Variants in AKR1C8 observed in about 807,000 individuals in gnomAD.
AKR1C8 encodes aldo-keto reductase family 1 member C-like protein 1.
the AKR1C8 span, among the ~76,000 whole-genome samples, chr10:5,170,763 C>T: frequency 6.6e-6 from 1 of 152,116 alleles, no homozygotes; most frequent in Non-Finnish European, 1.5e-5. Flanking sequence ...CCATTCCAGT[C>T]AAAGCCTTGG....
At chr10:5,184,157 G>A in the AKR1C8 span, among the ~76,000 whole-genome samples, 3 of 152,120 alleles carry the variant, frequency 2.0e-5, no homozygotes, top group Non-Finnish European at 4.4e-5. Flanking sequence ...AGGACAAGCT[G>A]AGTTACACTT....
the AKR1C8 span, among the ~76,000 whole-genome samples, chr10:5,139,749 A>T: frequency 2.6e-5 from 4 of 152,074 alleles, no homozygotes; most frequent in East Asian, 1.9e-4. Flanking sequence ...GGGCAAGGAC[A>T]TCATGACTAA....
At chr10:5,125,560 G>A in the AKR1C8 span, among the ~76,000 whole-genome samples, 4 of 152,228 alleles carry the variant, frequency 2.6e-5, no homozygotes, top group South Asian at 8.3e-4. Context: ...CAGCATCCCT[G>A]GGTAGAATAA....
the AKR1C8 span, among the ~76,000 whole-genome samples, chr10:5,143,323 C>T: frequency 1.3e-5 from 2 of 152,108 alleles, no homozygotes; most frequent in African/African-American, 2.4e-5. Context: ...TTCACGAGTG[C>T]CTTCTACCCC....
chr10:5,166,632 T>C, the AKR1C8 span, among the ~76,000 whole-genome samples: 54 of 152,268 alleles, frequency 3.5e-4, 1 homozygote, highest in African/African-American at 1.2e-3. Context: ...TATACAAAAA[T>C]TAATTTAAGA....
chr10:5,153,229 T>G, the AKR1C8 span, among the ~76,000 whole-genome samples: 7 of 124,202 alleles, frequency 5.6e-5, no homozygotes, highest in African/African-American at 2.1e-4. Flanking sequence ...CTCAATAAAG[T>G]TTTGCTTAAT....
chr10:5,122,136 A>T, the AKR1C8 span: 1 of 399,764 alleles, frequency 2.5e-6, no homozygotes, highest in Non-Finnish European at 5.2e-6. Flanking sequence ...AATGGCTTTC[A>T]TGTCCTCTGG....
chr10:5,163,740 G>A, the AKR1C8 span, among the ~76,000 whole-genome samples: 17 of 152,078 alleles, frequency 1.1e-4, no homozygotes, highest in African/African-American at 3.4e-4. Flanking sequence ...TGGCCCATTC[G>A]GATAAAAGAC....
At chr10:5,136,641 T>C in the AKR1C8 span, among the ~76,000 whole-genome samples, 1 of 152,196 alleles carries the variant, frequency 6.6e-6, no homozygotes, top group Non-Finnish European at 1.5e-5. Flanking sequence ...TGCTATGTGT[T>C]TCATAAGTGT....
At chr10:5,123,566 C>G in the AKR1C8 span, 1 of 722,942 alleles carries the variant, frequency 1.4e-6, no homozygotes, top group Non-Finnish European at 2.2e-6. Context: ...ATAACAGCAG[C>G]AGCATCACCT....
chr10:5,153,895 T>C, the AKR1C8 span, among the ~76,000 whole-genome samples: 1 of 152,234 alleles, frequency 6.6e-6, no homozygotes, highest in East Asian at 1.9e-4. Flanking sequence ...AAATGATAAG[T>C]ATTCTGTAAG....
the AKR1C8 span, among the ~76,000 whole-genome samples, chr10:5,138,240 C>T: frequency 1.3e-5 from 2 of 152,182 alleles, no homozygotes; most frequent in Non-Finnish European, 2.9e-5. Flanking sequence ...ATCTCAACCA[C>T]ATAAGAAAAA....
the AKR1C8 span, among the ~76,000 whole-genome samples, chr10:5,134,945 C>A: frequency 1.1e-4 from 16 of 152,246 alleles, 1 homozygote; most frequent in South Asian, 8.3e-4. Context: ...AAGCAGTACA[C>A]GACCATATGA....
chr10:5,179,339 C>T, the AKR1C8 span, among the ~76,000 whole-genome samples: 24 of 152,134 alleles, frequency 1.6e-4, no homozygotes, highest in African/African-American at 2.9e-4. Context: ...GAGTTTCTGC[C>T]GAGAGATCTG....
At chr10:5,176,954 T>C in the AKR1C8 span, among the ~76,000 whole-genome samples, 1 of 152,154 alleles carries the variant, frequency 6.6e-6, no homozygotes, top group Non-Finnish European at 1.5e-5. Context: ...TCTTTTCCAA[T>C]TGAATACCCT....
chr10:5,159,651 T>C, the AKR1C8 span, among the ~76,000 whole-genome samples: 7 of 152,154 alleles, frequency 4.6e-5, no homozygotes, highest in Non-Finnish European at 1.0e-4. Flanking sequence ...AAAGCTGCCA[T>C]TTCCCAACTC....
At chr10:5,158,998 C>A in the AKR1C8 span, among the ~76,000 whole-genome samples, 3 of 152,074 alleles carry the variant, frequency 2.0e-5, no homozygotes, top group Non-Finnish European at 4.4e-5. Flanking sequence ...AACCAAGATT[C>A]CTTAGAGGAA....
the AKR1C8 span, chr10:5,155,599 G>T: frequency 5.3e-6 from 2 of 379,574 alleles, no homozygotes; most frequent in East Asian, 8.6e-5. Flanking sequence ...TCTTCCTGAT[G>T]TAGGGAAGAT....
At chr10:5,127,945 T>G in the AKR1C8 span, among the ~76,000 whole-genome samples, 10 of 152,050 alleles carry the variant, frequency 6.6e-5, no homozygotes, top group Non-Finnish European at 1.2e-4. Context: ...CCTTGGAAAT[T>G]CATTGCAAAA....
Sources: allele counts gnomAD v4.1 joint callset (sites outside exome capture counted in the v4.1 genomes callset), GRCh38; gene constraint gnomAD v4.1.1; transcripts MANE v1.5; gene names NCBI Gene and HGNC (gene_info 2026-07-23, HGNC 2026-07-21).